Variants in OSGIN1 observed in about 807,000 individuals in gnomAD.
OSGIN1 encodes oxidative stress-induced growth inhibitor 1.
A neutral mutation model predicts 20.1 loss-of-function variants in OSGIN1; 19 were observed. The observed-to-expected ratio is 0.95, with a 90% confidence interval of 0.66 to 1.39. OSGIN1 has a LOEUF of 1.39. Among genes scored for constraint, OSGIN1 ranks in the 40% most tolerant of loss-of-function variants. OSGIN1 has a pLI of 0.00. For synonymous variants in OSGIN1, 368 were observed against 297.8 expected (o/e 1.24, Z -2.43); for missense variants, 820 against 653.0 (o/e 1.26, Z -2.79).
In OSGIN1 at chr16:83,954,179, A is replaced by G. The variant is rs564414905; in HGVS notation, c.-33+809A>G. ...CTTCCTCTGCACAATGGGGATAAGA[A>G]CACCCACCTCCTGGGGTGTCTTCAA... is the stretch of plus-strand genomic sequence containing the variant. On this transcript the variant is annotated intron_variant, in intron 1 of 5. Coordinates refer to ENST00000393306, the MANE Select transcript of OSGIN1 (RefSeq NM_182981.3). 2.6e-5 allele frequency: 4 copies of G among 152,318 alleles called. No individual in the cohort carries two copies. In the South Asian group the frequency reaches 8.3e-4, roughly 32 times the overall value. 9.4% of individuals were successfully genotyped at this position (152,318 alleles called of 1,614,324 possible).
intron 3 of OSGIN1, 138 bp from the exon 4 acceptor site, chr16:83,960,431 G>A: frequency 1.5e-6 from 1 of 655,984 alleles, no homozygotes; most frequent in Non-Finnish European, 2.6e-6. Flanking sequence ...ACTACCCCCA[G>A]GGTGCGCATC....
chr16:83,960,508 G>A, intron 3 of OSGIN1, 61 bp from the exon 4 acceptor site: 1 of 1,405,882 alleles, frequency 7.1e-7, no homozygotes, highest in Non-Finnish European at 9.9e-7. Flanking sequence ...CCCAGCCTCA[G>A]GCTCTGGGAA....
rs1484155207 is a variant in OSGIN1, at chr16:83,957,652, C to T, written c.-20C>T. On this transcript the variant is annotated 5_prime_UTR_variant, in exon 2 of 6. Coordinates refer to ENST00000393306, the MANE Select transcript of OSGIN1 (RefSeq NM_182981.3). Reference sequence around the variant, plus strand: ...TCCCCCACTCCAGGTCCGCTGCCAGCCCCAAGCCCCCCACCAGCCATGAGC... The same window carrying T: ...TCCCCCACTCCAGGTCCGCTGCCAGTCCCAAGCCCCCCACCAGCCATGAGC... 3.1e-6 allele frequency: 5 copies of T among 1,588,742 alleles called. No homozygotes were observed. The highest frequency in any genetic ancestry group is 1.7e-4 in the Middle Eastern group (1 of 6,030).
intron 5 of OSGIN1, among the ~76,000 whole-genome samples, chr16:83,964,284 G>A (rs1047058074): frequency 1.3e-5 from 2 of 151,496 alleles, no homozygotes; most frequent in African/African-American, 4.9e-5. Flanking sequence ...AGCCTGGGCA[G>A]CAGAGTGAGA....
rs113428742 is a variant in OSGIN1, at chr16:83,966,195, C to T, written c.*188C>T. ...AGACCAGTGTCTGAGGTGGTAACAG[C>T]GGCCGCAGGCCAGGGTTGGCCTAGA... On this transcript the variant is annotated 3_prime_UTR_variant, in exon 6 of 6. Coordinates refer to ENST00000393306, the MANE Select transcript of OSGIN1 (RefSeq NM_182981.3). 6.2e-5 allele frequency: 36 copies of T among 584,512 alleles called. No individual in the cohort carries two copies. Among genetic ancestry groups the T allele is most frequent in the African/African-American group, 4.8e-4 (26 of 53,858 alleles). The allele number at this position is 584,512 out of a possible 1,614,324, so 36.2% of individuals were successfully genotyped here. A position where few individuals can be genotyped will look rare whatever the true frequency, so the allele number is the denominator to read the frequency against.
chr16:83,959,237 T>C, intron 2 of OSGIN1, 23 bp from the exon 3 acceptor site: 1 of 1,608,840 alleles, frequency 6.2e-7, no homozygotes, highest in Non-Finnish European at 8.5e-7. Context: ...CCACCCCCTT[T>C]AACCTCCACC....
Position 83,961,043 on chromosome 16 carries a change from G to A in OSGIN1, c.459G>A (p.Glu153=). Residue 153 remains glutamate, a synonymous_variant, in exon 5 of 6, where the codon GAG becomes GAA. Coordinates refer to ENST00000393306, the MANE Select transcript of OSGIN1 (RefSeq NM_182981.3). ...QGQWMGLPDL[E]VKDWMQKKRR... is the part of the protein sequence containing the mutation. The stretch of plus-strand genomic sequence containing the variant: ...AGTGGATGGGGCTCCCGGACCTGGA[G>A]GTCAAGGACTGGATGCAGAAGAAGC... 1 of 1,613,570 alleles carries A rather than the reference G, an allele frequency of 6.2e-7. No individual in the cohort carries two copies. Among genetic ancestry groups the A allele is most frequent in the Non-Finnish European group, 8.5e-7 (1 of 1,180,014 alleles).
At chr16:83,959,999 G>A (rs1040884566) in intron 3 of OSGIN1, among the ~76,000 whole-genome samples, 1 of 152,048 alleles carries the variant, frequency 6.6e-6, no homozygotes, top group African/African-American at 2.4e-5. Context: ...TCCCCTTGTC[G>A]ACCTCCCTCG....
chr16:83,953,602 G>A (rs546769243), intron 1 of OSGIN1, among the ~76,000 whole-genome samples: 107 of 152,324 alleles, frequency 7.0e-4, no homozygotes, highest in African/African-American at 2.3e-3. Flanking sequence ...GGTACCCTCA[G>A]CCAAGCAGCT....
chr16:83,961,096 G>A, intron 5 of OSGIN1, 24 bp downstream of exon 5: 4 of 1,578,106 alleles, frequency 2.5e-6, no homozygotes, highest in Non-Finnish European at 3.5e-6. Flanking sequence ...GGAACGCCTT[G>A]GGGGACACGG....
intron 5 of OSGIN1, among the ~76,000 whole-genome samples, chr16:83,963,854 A>G (rs1466929433): frequency 6.6e-6 from 1 of 152,194 alleles, no homozygotes; most frequent in Admixed American, 6.5e-5. Flanking sequence ...CTGTCATTCA[A>G]CCGCCACAAG....
At chr16:83,964,366 G>C (rs905429029) in intron 5 of OSGIN1, among the ~76,000 whole-genome samples, 1 of 151,986 alleles carries the variant, frequency 6.6e-6, no homozygotes, top group African/African-American at 2.4e-5. Context: ...ATATAGAAAA[G>C]TACGTAACTC....
At chr16:83,960,490 C>A in intron 3 of OSGIN1, 79 bp from the exon 4 acceptor site, 1 of 1,186,892 alleles carries the variant, frequency 8.4e-7, no homozygotes, top group Non-Finnish European at 1.2e-6. Flanking sequence ...CCAGTCCCCA[C>A]GTTCCTGCCC....
chr16:83,965,298 T>C lies in OSGIN1; in HGVS notation c.725T>C (p.Val242Ala), dbSNP rs1455143283. Reference protein sequence around the residue: ...QQPFSLWARNVVLATGTFDSP... With the variant: ...QQPFSLWARNAVLATGTFDSP... The stretch of plus-strand genomic sequence containing the variant: ...CCCTTCTCGCTGTGGGCCCGCAACG[T>C]GGTCCTCGCCACAGGCACGTTCGAC... Residue 242 changes from valine (V) to alanine (A), a missense_variant, in exon 6 of 6, where the codon GTG becomes GCG. Val to Ala is a moderately conservative substitution (Grantham distance 64). Coordinates refer to ENST00000393306, the MANE Select transcript of OSGIN1 (RefSeq NM_182981.3). 1 of 1,598,626 alleles carries C rather than the reference T, an allele frequency of 6.3e-7. No individual in the cohort carries two copies. Among genetic ancestry groups the C allele is most frequent in the Non-Finnish European group, 8.5e-7 (1 of 1,171,924 alleles).
chr16:83,960,628 C>T lies in OSGIN1; in HGVS notation c.264C>T (p.Leu88=), dbSNP rs1407649412. The T allele has an allele frequency of 1.4e-5, 23 of 1,613,472 alleles. No individual in the cohort carries two copies. In the Admixed American group the frequency reaches 3.8e-4, roughly 27 times the overall value. ...GATCCCAAAGCCCCGTGGCCCTGCT[C>T]TTTGATGCCCTTCTACGCCCAGACA... The part of the protein sequence containing the change: ...EGRSQSPVAL[L]FDALLRPDTD... Residue 88 remains leucine (L), a synonymous_variant, in exon 4 of 6, where the codon CTC becomes CTT. Coordinates refer to ENST00000393306, the MANE Select transcript of OSGIN1 (RefSeq NM_182981.3).
At chr16:83,953,701 C>T (rs1908797371) in intron 1 of OSGIN1, among the ~76,000 whole-genome samples, 1 of 152,246 alleles carries the variant, frequency 6.6e-6, no homozygotes, top group Non-Finnish European at 1.5e-5. Context: ...GCTTACTGCC[C>T]AGCTGTTCCA....
Position 83,966,040 on chromosome 16 carries a change from G to C in OSGIN1, c.*33G>C. The C allele has an allele frequency of 6.9e-7, 1 of 1,441,484 alleles. No individual in the cohort carries two copies. The highest frequency in any genetic ancestry group is 9.2e-7 in the Non-Finnish European group (1 of 1,083,272). The allele number at this position is 1,441,484 out of a possible 1,614,324, so 89.3% of individuals were successfully genotyped here. ...CCAGACCCGCTGGCTCCCAGGCCCT[G>C]AGAGGACAGAGATGACCACATCCCT... is the stretch of plus-strand genomic sequence containing the variant. On this transcript the variant is annotated 3_prime_UTR_variant, in exon 6 of 6. Coordinates refer to ENST00000393306, the MANE Select transcript of OSGIN1 (RefSeq NM_182981.3).
intron 1 of OSGIN1, among the ~76,000 whole-genome samples, chr16:83,956,037 C>A (rs953935909): frequency 6.6e-6 from 1 of 152,238 alleles, no homozygotes; most frequent in Non-Finnish European, 1.5e-5. Flanking sequence ...CTTCTCCTCA[C>A]CTGCAAGACA....
chr16:83,961,225 C>A, intron 5 of OSGIN1, 153 bp downstream of exon 5: 1 of 622,564 alleles, frequency 1.6e-6, no homozygotes, highest in South Asian at 1.9e-5. Context: ...TGACATGTGC[C>A]CAAGGTGATC....
Sources: gnomAD v4.1 joint callset for allele counts (sites outside exome capture counted in the v4.1 genomes callset) on GRCh38, gnomAD v4.1.1 for gene constraint, MANE v1.5 for transcripts, NCBI Gene and HGNC (gene_info 2026-07-23, HGNC 2026-07-21) for gene names.